KHDRBS2: variants seen among roughly 807,000 people sequenced by gnomAD.
The protein encoded by KHDRBS2 is KH domain-containing, RNA-binding, signal transduction-associated protein 2.
A neutral mutation model predicts 44.3 loss-of-function variants in KHDRBS2; 26 were observed. That is an observed-to-expected ratio of 0.59 (90% CI 0.43 to 0.81). The LOEUF (loss-of-function observed/expected upper bound fraction) is 0.81, where lower values mean the gene tolerates loss of function less well. Ranked by LOEUF, KHDRBS2 falls within the 40% of genes least tolerant of loss-of-function variation. The probability of loss-of-function intolerance (pLI) is 0.00; values close to 1 mark genes in which losing one functional copy is unlikely to be tolerated. For synonymous variants in KHDRBS2, 194 were observed against 151.1 expected (o/e 1.28, Z -2.08); for missense variants, 476 against 433.1 (o/e 1.10, Z -0.88).
intron 7 of KHDRBS2, among the ~76,000 whole-genome samples, chr6:61,698,010 T>C (rs1244816093): frequency 6.6e-6 from 1 of 152,148 alleles, no homozygotes; most frequent in East Asian, 1.9e-4. Flanking sequence ...GAAGTGACTT[T>C]ACTCACTCTT....
chr6:62,060,063 T>C (rs1365676371), intron 2 of KHDRBS2, among the ~76,000 whole-genome samples: 4 of 151,686 alleles, frequency 2.6e-5, no homozygotes, highest in East Asian at 2.0e-4. Flanking sequence ...GTATGAGAAG[T>C]TGGGGCGGGG....
At chr6:61,789,526 T>C (rs917730883) in intron 6 of KHDRBS2, among the ~76,000 whole-genome samples, 4 of 151,570 alleles carry the variant, frequency 2.6e-5, no homozygotes, top group African/African-American at 7.2e-5. Flanking sequence ...GTAACATGTT[T>C]GGAAGACCTA....
chr6:61,585,160 T>G, the KHDRBS2 span, among the ~76,000 whole-genome samples: 2 of 151,846 alleles, frequency 1.3e-5, no homozygotes, highest in African/African-American at 4.8e-5. Context: ...TAAAACCCAT[T>G]GTGGATTTGT....
the KHDRBS2 span, among the ~76,000 whole-genome samples, chr6:61,607,520 C>CAAAAAAAA: frequency 0.028 from 1,160 of 41,006 alleles, 344 homozygotes; most frequent in East Asian, 0.057. Flanking sequence ...GAGTTCCAAG[C>CAAAAAAAA]AAAAAAAAAA....
At chr6:62,245,725 A>C (rs769311974) in intron 1 of KHDRBS2, among the ~76,000 whole-genome samples, 1 of 152,120 alleles carries the variant, frequency 6.6e-6, no homozygotes, top group Admixed American at 6.6e-5. Flanking sequence ...GTTCTAATTG[A>C]AGATTAGATA....
chr6:61,638,102 A>G, the KHDRBS2 span, among the ~76,000 whole-genome samples: 5 of 152,212 alleles, frequency 3.3e-5, no homozygotes, highest in Non-Finnish European at 5.9e-5. Flanking sequence ...TACAGATTCA[A>G]TGTCTTCCCC....
the KHDRBS2 span, among the ~76,000 whole-genome samples, chr6:61,565,851 C>T: frequency 6.6e-6 from 1 of 152,096 alleles, no homozygotes; most frequent in Non-Finnish European, 1.5e-5. Context: ...TCAGAAATCT[C>T]ACTGCTGGGT....
At chr6:62,070,533 A>C (rs550510740) in intron 2 of KHDRBS2, among the ~76,000 whole-genome samples, 28 of 150,026 alleles carry the variant, frequency 1.9e-4, no homozygotes, top group South Asian at 4.2e-4. Flanking sequence ...TGTTCCCCTT[A>C]CTGTGTCCAT....
At chr6:61,794,850 A>G (rs1240644269) in intron 6 of KHDRBS2, among the ~76,000 whole-genome samples, 1 of 152,118 alleles carries the variant, frequency 6.6e-6, no homozygotes, top group Non-Finnish European at 1.5e-5. Context: ...TGAGAAAAAT[A>G]TATTCAGGCC....
the KHDRBS2 span, among the ~76,000 whole-genome samples, chr6:61,669,924 C>G: frequency 6.6e-6 from 1 of 150,922 alleles, no homozygotes; most frequent in Non-Finnish European, 1.5e-5. Context: ...AAATTCAGCT[C>G]ACTTCTGAAA....
intron 4 of KHDRBS2, among the ~76,000 whole-genome samples, chr6:61,933,588 C>A (rs1810484285): frequency 6.6e-6 from 1 of 152,142 alleles, no homozygotes; most frequent in South Asian, 2.1e-4. Flanking sequence ...GTATAGCCTA[C>A]CACACACCTA....
intron 1 of KHDRBS2, among the ~76,000 whole-genome samples, chr6:62,221,230 C>A (rs1585267373): frequency 6.6e-6 from 1 of 151,774 alleles, no homozygotes; most frequent in African/African-American, 2.4e-5. Flanking sequence ...TGTATTATAT[C>A]ACTTATATAA....
intron 2 of KHDRBS2, among the ~76,000 whole-genome samples, chr6:62,107,375 C>A (rs1184899605): frequency 1.3e-5 from 2 of 152,132 alleles, no homozygotes; most frequent in African/African-American, 4.8e-5. Context: ...ATCTAGGAAT[C>A]CAACTTACAA....
At position 61,826,244 on chromosome 6, in the gene KHDRBS2, C is replaced by A. The variant is rs62414682; in HGVS notation, c.810+68391G>T. On this transcript the variant is annotated intron_variant, in intron 6 of 8. Transcript: ENST00000281156. ...CTCTTCTCTGTACACCAGGAGACCT[C>A]TCTAGACTGCTCTGTTAAGACACCC... Among the ~76,000 whole-genome samples the A allele has an allele frequency of 3.4e-3, 523 of 152,210 alleles. 2 individuals are homozygous for A. The highest frequency in any genetic ancestry group is 5.5e-3 in the Non-Finnish European group (375 of 68,026).
chr6:62,002,399 TA>T (rs921916580), intron 3 of KHDRBS2, among the ~76,000 whole-genome samples: 26 of 151,982 alleles, frequency 1.7e-4, no homozygotes, highest in Middle Eastern at 7.2e-3. Flanking sequence ...ACTTTTCTGA[TA>T]AAAATATATT....
the KHDRBS2 span, among the ~76,000 whole-genome samples, chr6:61,617,247 T>G: frequency 4.6e-5 from 7 of 152,226 alleles, no homozygotes; most frequent in Admixed American, 4.6e-4. Context: ...GCTATAGGTC[T>G]CTACACCTAG....
intron 2 of KHDRBS2, among the ~76,000 whole-genome samples, chr6:62,142,891 A>G (rs772932752): frequency 2.7e-5 from 4 of 148,818 alleles, no homozygotes; most frequent in Middle Eastern, 3.2e-3. Flanking sequence ...TTATTGAATG[A>G]CTGAATTGAC....
chr6:61,637,441 C>T, the KHDRBS2 span, among the ~76,000 whole-genome samples: 1 of 152,132 alleles, frequency 6.6e-6, no homozygotes, highest in African/African-American at 2.4e-5. Context: ...CATTGTTGGA[C>T]ATTTGGGTTG....
At chr6:62,164,649 T>A (rs1316728927) in intron 2 of KHDRBS2, among the ~76,000 whole-genome samples, 1 of 151,922 alleles carries the variant, frequency 6.6e-6, no homozygotes, top group African/African-American at 2.4e-5. Flanking sequence ...TTGTTTCATG[T>A]AACAATATGT....
Sources: allele counts gnomAD v4.1 joint callset (sites outside exome capture counted in the v4.1 genomes callset), GRCh38; gene constraint gnomAD v4.1.1; transcripts MANE v1.5; gene names NCBI Gene and HGNC (gene_info 2026-07-23, HGNC 2026-07-21).